ADGRG2: variants seen among roughly 807,000 people sequenced by gnomAD.
The protein encoded by ADGRG2 is G protein-coupled receptor 64.
In ADGRG2, 26 loss-of-function variants were observed where a neutral mutation model predicts 74.1. The ratio of observed to expected loss-of-function variants is 0.35; its 90% CI spans 0.26 to 0.49. The LOEUF (loss-of-function observed/expected upper bound fraction) is 0.49. Among genes scored for constraint, ADGRG2 ranks in the 20% least tolerant of loss-of-function variants. The probability of loss-of-function intolerance (pLI) is 0.99; values close to 1 mark genes in which losing one functional copy is unlikely to be tolerated. For synonymous variants in ADGRG2, 296 were observed against 295.2 expected (o/e 1.00, Z -0.03); for missense variants, 619 against 763.1 (o/e 0.81, Z 2.22).
intron 3 of ADGRG2, among the ~76,000 whole-genome samples, chrX:19,067,036 T>C (rs1026098564): frequency 2.7e-5 from 3 of 111,378 alleles, no homozygotes; most frequent in Non-Finnish European, 5.7e-5. Context: ...GAAAATAGGG[T>C]CTGGAGGCAG....
intron 1 of ADGRG2, among the ~76,000 whole-genome samples, chrX:19,116,283 G>A (rs768336575): frequency 3.7e-5 from 4 of 109,140 alleles, no homozygotes; most frequent in Non-Finnish European, 7.6e-5. Context: ...GGCCGAGGTG[G>A]GTGGATCAAC....
At chrX:19,004,704 C>CA in intron 23 of ADGRG2, 54 bp downstream of exon 23, 2 of 1,146,873 alleles carry the variant, frequency 1.7e-6, no homozygotes, top group Admixed American at 4.5e-5. Context: ...TAAATGTTGG[C>CA]AATGGAGGTG....
At chrX:19,007,088 G>A in intron 20 of ADGRG2, 147 bp downstream of exon 20, 1 of 523,302 alleles carries the variant, frequency 1.9e-6, no homozygotes, top group Non-Finnish European at 3.3e-6. Flanking sequence ...AAATCCAATG[G>A]AGAGATGTGA....
intron 1 of ADGRG2, among the ~76,000 whole-genome samples, chrX:19,100,352 T>C (rs1237977533): frequency 2.6e-5 from 3 of 113,405 alleles, no homozygotes; most frequent in Non-Finnish European, 5.6e-5. Context: ...ATGGTCTCCA[T>C]TGCAATGACT....
intron 18 of ADGRG2, among the ~76,000 whole-genome samples, chrX:19,008,764 G>A (rs746327670): frequency 1.8e-5 from 2 of 112,171 alleles, no homozygotes; most frequent in Non-Finnish European, 3.8e-5. Flanking sequence ...AAAAGTGCAA[G>A]ATGACTGCAG....
chrX:18,993,479 T>A (rs1332977472), intron 28 of ADGRG2, among the ~76,000 whole-genome samples: 1 of 106,998 alleles, frequency 9.3e-6, no homozygotes, highest in African/African-American at 3.4e-5. Flanking sequence ...GCCCAGGAGT[T>A]TGAGACCAAC....
chrX:19,011,911 G>T (rs187078229), intron 16 of ADGRG2, among the ~76,000 whole-genome samples: 9 of 111,994 alleles, frequency 8.0e-5, no homozygotes, highest in Admixed American at 7.6e-4. Flanking sequence ...TTTTAATAGG[G>T]AAACAATGAT....
intron 23 of ADGRG2, among the ~76,000 whole-genome samples, chrX:19,003,575 G>T (rs183234963): frequency 9.0e-6 from 1 of 110,843 alleles, no homozygotes; most frequent in Non-Finnish European, 1.9e-5. Context: ...TATATGGGGT[G>T]GGGGGGAGCT....
At chrX:19,027,031 A>G (rs1455285152) in intron 11 of ADGRG2, among the ~76,000 whole-genome samples, 188 bp downstream of exon 11, 2 of 112,245 alleles carry the variant, frequency 1.8e-5, no homozygotes, top group African/African-American at 6.5e-5. Context: ...TCAGCGCATC[A>G]AAGAGCCTCA....
At chrX:19,109,399 T>C (rs761184256) in intron 1 of ADGRG2, among the ~76,000 whole-genome samples, 1 of 111,876 alleles carries the variant, frequency 8.9e-6, no homozygotes, top group Non-Finnish European at 1.9e-5. Flanking sequence ...AGCTTTAAAA[T>C]CCACTACAAG....
chrX:19,042,792 A>G (rs919653680), intron 3 of ADGRG2, among the ~76,000 whole-genome samples: 1 of 111,062 alleles, frequency 9.0e-6, no homozygotes, highest in Non-Finnish European at 1.9e-5. Flanking sequence ...GGAGTTCGAG[A>G]CCAGCCTGGC....
intron 24 of ADGRG2, 37 bp downstream of exon 24, chrX:19,002,809 G>A (rs750318958): frequency 1.8e-5 from 21 of 1,169,701 alleles, no homozygotes; most frequent in Non-Finnish European, 2.2e-5. Context: ...AAAAGGCAGA[G>A]AAAGTCCAGG....
chrX:19,110,355 CTG>C, intron 1 of ADGRG2, among the ~76,000 whole-genome samples: 1 of 111,281 alleles, frequency 9.0e-6, no homozygotes, highest in East Asian at 2.8e-4. Flanking sequence ...GATATTTAAA[CTG>C]AGATCTGAAT....
At chrX:19,074,964 T>A (rs1018308841) in intron 2 of ADGRG2, among the ~76,000 whole-genome samples, 1 of 111,168 alleles carries the variant, frequency 9.0e-6, no homozygotes, top group Non-Finnish European at 1.9e-5. Flanking sequence ...GTAAGTAATG[T>A]AAGCAATGAA....
intron 2 of ADGRG2, among the ~76,000 whole-genome samples, chrX:19,077,334 TAAAAA>T (rs34976230): frequency 2.1e-4 from 8 of 38,613 alleles, no homozygotes; most frequent in Non-Finnish European, 3.4e-4. Flanking sequence ...CTGTCTCTAC[TAAAAA>T]AAAAAAAAAA....
At chrX:19,034,292 T>G (rs1601946003) in intron 7 of ADGRG2, 1 of 111,819 alleles carries the variant, frequency 8.9e-6, no homozygotes, top group South Asian at 3.8e-4. Context: ...ACTTTAGAAA[T>G]GTCTTCCAAA....
At chrX:19,116,787 A>G (rs2062524022) in intron 1 of ADGRG2, among the ~76,000 whole-genome samples, 1 of 112,037 alleles carries the variant, frequency 8.9e-6, no homozygotes, top group Non-Finnish European at 1.9e-5. Flanking sequence ...CTAAATGAGC[A>G]GTTTTACAAA....
At chrX:19,073,445 GC>G (rs2061685800) in intron 2 of ADGRG2, among the ~76,000 whole-genome samples, 1 of 111,332 alleles carries the variant, frequency 9.0e-6, no homozygotes, top group Non-Finnish European at 1.9e-5. Flanking sequence ...TTTATCCAGG[GC>G]CCCCTTTTAG....
chrX:19,031,278 C>T, intron 8 of ADGRG2: 2 of 361,751 alleles, frequency 5.5e-6, no homozygotes, highest in Non-Finnish European at 9.7e-6. Flanking sequence ...TGATCCTTAA[C>T]TCCTCCCTAA....
Sources: gnomAD v4.1 joint callset for allele counts (sites outside exome capture counted in the v4.1 genomes callset) on GRCh38, gnomAD v4.1.1 for gene constraint, MANE v1.5 for transcripts, NCBI Gene and HGNC (gene_info 2026-07-23, HGNC 2026-07-21) for gene names.